The following ARB2A variants were observed in gnomAD, a reference collection of about 807,000 sequenced individuals.
ARB2A encodes the protein cotranscriptional regulator ARB2A.
At chr5:94,013,493 T>C in the ARB2A span, among the ~76,000 whole-genome samples, 1 of 152,048 alleles carries the variant, frequency 6.6e-6, no homozygotes, top group South Asian at 2.1e-4. Context: ...TGTTTCTTTA[T>C]CTGCCATCCT....
the ARB2A span, among the ~76,000 whole-genome samples, chr5:94,045,017 A>G: frequency 8.7e-5 from 13 of 150,190 alleles, no homozygotes; most frequent in South Asian, 2.2e-4. Flanking sequence ...TACTTGGGAG[A>G]CTGAGGTAAG....
the ARB2A span, chr5:93,866,244 C>T: frequency 1.0e-6 from 1 of 984,846 alleles, no homozygotes; most frequent in Non-Finnish European, 1.2e-6. Flanking sequence ...AAATAAAGAA[C>T]ATTAGAAGTG....
the ARB2A span, among the ~76,000 whole-genome samples, chr5:93,835,007 T>C: frequency 4.6e-5 from 7 of 152,254 alleles, no homozygotes; most frequent in Non-Finnish European, 1.0e-4. Flanking sequence ...GATTTTAGAA[T>C]ATGCTAACGT....
the ARB2A span, among the ~76,000 whole-genome samples, chr5:94,058,590 A>G: frequency 6.6e-6 from 1 of 152,378 alleles, no homozygotes; most frequent in African/African-American, 2.4e-5. Context: ...AAAAATTCAC[A>G]GCAAATATAA....
chr5:94,008,045 G>A, the ARB2A span, among the ~76,000 whole-genome samples: 314 of 152,054 alleles, frequency 2.1e-3, 1 homozygote, highest in Non-Finnish European at 3.8e-3. Flanking sequence ...AATACACAAA[G>A]ACATTAAATA....
At chr5:93,749,162 G>A in the ARB2A span, among the ~76,000 whole-genome samples, 1 of 151,832 alleles carries the variant, frequency 6.6e-6, no homozygotes, top group Admixed American at 6.6e-5. Context: ...GCACTGTCAT[G>A]TGTGTTGGTC....
the ARB2A span, among the ~76,000 whole-genome samples, chr5:94,073,948 G>T: frequency 6.6e-6 from 1 of 152,054 alleles, no homozygotes; most frequent in Non-Finnish European, 1.5e-5. Context: ...CACCAGATAT[G>T]ACTTTAATTA....
chr5:93,858,110 A>G, the ARB2A span, among the ~76,000 whole-genome samples: 2 of 152,222 alleles, frequency 1.3e-5, no homozygotes, highest in South Asian at 4.1e-4. Context: ...ACTTCCAAGA[A>G]TCGTCTCCTG....
chr5:93,945,487 C>T, the ARB2A span, among the ~76,000 whole-genome samples: 1 of 150,520 alleles, frequency 6.6e-6, no homozygotes. Flanking sequence ...AGAAGAGAGA[C>T]ACAAAGCTCA....
the ARB2A span, among the ~76,000 whole-genome samples, chr5:93,803,851 C>T: frequency 1.3e-5 from 2 of 151,332 alleles, no homozygotes; most frequent in African/African-American, 4.9e-5. Context: ...TTGTAGAAAA[C>T]GGGAAAGGTA....
the ARB2A span, chr5:93,860,836 A>C: frequency 1.3e-5 from 2 of 151,898 alleles, no homozygotes; most frequent in Non-Finnish European, 2.9e-5. Flanking sequence ...TTGTATTTTT[A>C]GTAGAGATGA....
chr5:93,999,285 G>T, the ARB2A span, among the ~76,000 whole-genome samples: 1 of 151,812 alleles, frequency 6.6e-6, no homozygotes, highest in Non-Finnish European at 1.5e-5. Flanking sequence ...CAAAACCTTG[G>T]AGTATTATCA....
At chr5:93,779,124 TGCGC>T in the ARB2A span, among the ~76,000 whole-genome samples, 113 of 146,376 alleles carry the variant, frequency 7.7e-4, no homozygotes, top group East Asian at 1.3e-3. Context: ...TGTGTGTGTG[TGCGC>T]GCGCGCGCGC....
At chr5:94,081,673 A>G in the ARB2A span, among the ~76,000 whole-genome samples, 2 of 152,158 alleles carry the variant, frequency 1.3e-5, no homozygotes, top group Non-Finnish European at 1.5e-5. Flanking sequence ...GAAGTTGACT[A>G]ATAGTTTTCA....
the ARB2A span, among the ~76,000 whole-genome samples, chr5:94,008,456 C>T: frequency 2.0e-5 from 3 of 152,024 alleles, no homozygotes; most frequent in East Asian, 1.9e-4. Flanking sequence ...TAATAAGTTG[C>T]CAGGTATTGT....
chr5:93,886,542 A>C, the ARB2A span, among the ~76,000 whole-genome samples: 1 of 151,718 alleles, frequency 6.6e-6, no homozygotes, highest in African/African-American at 2.4e-5. Flanking sequence ...TGAAAGATGT[A>C]TGTTGTATTT....
chr5:93,846,641 A>G, the ARB2A span, among the ~76,000 whole-genome samples: 7 of 152,324 alleles, frequency 4.6e-5, no homozygotes, highest in East Asian at 1.9e-4. Context: ...TATACTTGCT[A>G]TAATTTAGTC....
chr5:93,663,934 T>C, the ARB2A span, among the ~76,000 whole-genome samples: 1 of 152,178 alleles, frequency 6.6e-6, no homozygotes, highest in Non-Finnish European at 1.5e-5. Context: ...TATTTTGTAA[T>C]ATTAACTGCA....
At chr5:93,635,306 T>C in the ARB2A span, among the ~76,000 whole-genome samples, 1 of 152,168 alleles carries the variant, frequency 6.6e-6, no homozygotes, top group Non-Finnish European at 1.5e-5. Context: ...TAGTTAAGCA[T>C]TGAGATAGTA....
Sources: allele counts gnomAD v4.1 joint callset (sites outside exome capture counted in the v4.1 genomes callset), GRCh38; gene constraint gnomAD v4.1.1; transcripts MANE v1.5; gene names NCBI Gene and HGNC (gene_info 2026-07-23, HGNC 2026-07-21).